The following RUFY1 variants were observed in gnomAD, a reference collection of about 807,000 sequenced individuals.
The protein encoded by RUFY1 is RUN and FYVE domain containing 1.
In RUFY1, 54 loss-of-function variants were observed where a neutral mutation model predicts 94.6. The observed-to-expected ratio is 0.57, with a 90% CI of 0.46 to 0.72. The LOEUF (loss-of-function observed/expected upper bound fraction) is 0.72. Ranked by LOEUF, RUFY1 falls within the 30% of genes least tolerant of loss-of-function variation. RUFY1 has a pLI of 0.00. For synonymous variants in RUFY1, 396 were observed against 347.3 expected (o/e 1.14, Z -1.56); for missense variants, 883 against 883.9 (o/e 1.00, Z 0.01).
chr5:179,561,082 A>G (rs1581427535), intron 2 of RUFY1, among the ~76,000 whole-genome samples: 1 of 151,442 alleles, frequency 6.6e-6, no homozygotes, highest in Non-Finnish European at 1.5e-5. Context: ...GTGGTGGCGC[A>G]TGCCTGTAAT....
intron 15 of RUFY1, among the ~76,000 whole-genome samples, chr5:179,604,525 T>G (rs1766832914): frequency 6.6e-6 from 1 of 152,110 alleles, no homozygotes; most frequent in African/African-American, 2.4e-5. Flanking sequence ...AGGAGCTGCC[T>G]CCCGATCTTT....
rs140203580 is a variant in RUFY1 at position 179,574,263 on chromosome 5, C to T, written c.829-2812C>T. Among the ~76,000 whole-genome samples, 1,014 of 152,098 alleles carry T rather than the reference C, an allele frequency of 6.7e-3. 12 individuals are homozygous for T. The highest frequency in any genetic ancestry group is 0.014 in the Middle Eastern group (4 of 294). ...TACAACAATTAGCTGGGCGTGGTGG[C>T]GTGTGCCTGTAATCCCGGTTACCCA... On this transcript the variant is annotated intron_variant, in intron 5 of 17. Transcript: ENST00000319449.
chr5:179,601,237 C>G (rs138431996), intron 14 of RUFY1, among the ~76,000 whole-genome samples: 2,138 of 151,954 alleles, frequency 0.014, 59 homozygotes, highest in African/African-American at 0.047. Context: ...AGCACCATCT[C>G]GGCTCACTGC....
chr5:179,560,123 A>C lies in RUFY1; in HGVS notation c.409A>C (p.Ser137Arg), dbSNP rs2127509379. The change falls in exon 2 of 18, where the codon AGC becomes CGC. Residue 137 changes from serine to arginine, a missense_variant. Ser to Arg is a moderately radical substitution (Grantham distance 110). Transcript: ENST00000319449. ...CCAGTCGGCTCTGAGCCTGGGCCGC[A>C]GCCTGGATGCGGACCATGCCCCCTT... Reference protein sequence around the residue: ...LLQSALSLGRSLDADHAPLQQ... With the variant: ...LLQSALSLGRRLDADHAPLQQ... 6.2e-7 allele frequency: 1 copy of C among 1,614,084 alleles called. No homozygotes were observed. The highest frequency in any genetic ancestry group is 1.7e-5 in the Admixed American group (1 of 60,000).
chr5:179,590,662 T>A (rs906174671), intron 9 of RUFY1, among the ~76,000 whole-genome samples: 8 of 151,878 alleles, frequency 5.3e-5, no homozygotes, highest in African/African-American at 1.9e-4. Context: ...TTTTTTTCTA[T>A]ATTTTTAGTA....
chr5:179,606,586 G>T (rs886263067), intron 16 of RUFY1: 1 of 154,910 alleles, frequency 6.5e-6, no homozygotes, highest in Non-Finnish European at 1.4e-5. Context: ...CAGTCCCTTT[G>T]CACACTGTTC....
chr5:179,580,950 T>C lies in RUFY1; in HGVS notation c.894T>C (p.His298=). 6.3e-7 allele frequency: 1 copy of C among 1,594,546 alleles called. No individual in the cohort carries two copies. The highest frequency in any genetic ancestry group is 8.6e-7 in the Non-Finnish European group (1 of 1,166,072). The change falls in exon 7 of 18, where the codon CAT becomes CAC. Residue 298 remains histidine (H), a synonymous_variant. Coordinates refer to ENST00000319449, the MANE Select transcript of RUFY1 (RefSeq NM_025158.5). ...CTTCTTATGCTCCTTTTAAAAGGCA[T>C]GAAAGAATTACTGATGTCCTTGATC... ...DVQDLDGGKE[H]ERITDVLDQK... is the part of the protein sequence containing the mutation.
intron 10 of RUFY1, among the ~76,000 whole-genome samples, chr5:179,592,896 G>A (rs1432189006): frequency 6.6e-6 from 1 of 152,146 alleles, no homozygotes; most frequent in Non-Finnish European, 1.5e-5. Context: ...TCTGATCTGT[G>A]GGTATGGAAA....
chr5:179,574,536 C>T (rs1763477359), intron 5 of RUFY1, among the ~76,000 whole-genome samples: 2 of 152,252 alleles, frequency 1.3e-5, no homozygotes, highest in South Asian at 4.1e-4. Flanking sequence ...ACCCTTATGC[C>T]TTTTTTGGTC....
intron 12 of RUFY1, among the ~76,000 whole-genome samples, chr5:179,595,193 A>G (rs1315549428): frequency 6.8e-6 from 1 of 147,076 alleles, no homozygotes; most frequent in Non-Finnish European, 1.5e-5. Flanking sequence ...AAATACTAAA[A>G]ATTAGGACGG....
At chr5:179,555,620 ACTTTT>A (rs1433174479) in intron 1 of RUFY1, 1 of 347,806 alleles carries the variant, frequency 2.9e-6, no homozygotes, top group Admixed American at 4.0e-5. Flanking sequence ...AAAACTCCCA[ACTTTT>A]TTTTTTTTTT....
chr5:179,574,174 A>C (rs749168774), intron 5 of RUFY1, among the ~76,000 whole-genome samples: 9 of 152,130 alleles, frequency 5.9e-5, no homozygotes, highest in Admixed American at 1.3e-4. Context: ...AAGTGGACAG[A>C]TCATGAGGTC....
At chr5:179,598,961 C>A in intron 14 of RUFY1, 140 bp downstream of exon 14, 1 of 870,024 alleles carries the variant, frequency 1.1e-6, no homozygotes, top group Non-Finnish European at 1.8e-6. Flanking sequence ...TTAGGGAGCT[C>A]CTGTTTTAGG....
chr5:179,562,938 A>G, intron 3 of RUFY1: 1 of 336,348 alleles, frequency 3.0e-6, no homozygotes, highest in South Asian at 4.5e-5. Context: ...AACTACTGGT[A>G]CACTCCTGGA....
At position 179,550,750 on chromosome 5, in the gene RUFY1, G is replaced by T; in HGVS notation, c.181G>T (p.Gly61Cys). The change falls in exon 1 of 18, where the codon GGC becomes TGC. Residue 61 changes from glycine to cysteine, a missense_variant. Physicochemically the swap from Gly to Cys is radical, Grantham distance 159 (BLOSUM62 -3). Coordinates refer to ENST00000319449, the MANE Select transcript of RUFY1 (RefSeq NM_025158.5). ...RSATRPRAAE[G>C]WSAPILTLAR... ...CGCAACGAGGCCGCGGGCGGCCGAG[G>T]GCTGGTCGGCGCCCATCCTGACCCT... 6.9e-7 allele frequency: 1 copy of T among 1,450,212 alleles called. No individual in the cohort carries two copies. The highest frequency in any genetic ancestry group is 9.1e-7 in the Non-Finnish European group (1 of 1,102,004). The allele number at this position is 1,450,212 out of a possible 1,614,324, so 89.8% of individuals were successfully genotyped here.
chr5:179,578,421 A>G (rs1185580926), intron 6 of RUFY1, among the ~76,000 whole-genome samples: 1 of 150,786 alleles, frequency 6.6e-6, no homozygotes, highest in East Asian at 2.0e-4. Flanking sequence ...GTTTCACCAT[A>G]TTGGCCAGGC....
Position 179,596,779 on chromosome 5 carries a change from A to G in RUFY1, c.1631+98A>G, listed in dbSNP as rs903477756. 23 of 28,314 alleles carry G rather than the reference A, an allele frequency of 8.1e-4. 1 individual carries two copies. The highest frequency in any genetic ancestry group is 1.1e-3 in the East Asian group (1 of 910). 1.8% of individuals were successfully genotyped at this position (28,314 alleles called of 1,614,324 possible). On this transcript the variant is annotated intron_variant, in intron 13 of 17. Coordinates refer to ENST00000319449, the MANE Select transcript of RUFY1 (RefSeq NM_025158.5). ...ATCCTGCTTCAGCACGAACGGGAGG[A>G]GGGGGGGCGGGGGGGCAGGTGGTAT...
intron 15 of RUFY1, chr5:179,602,718 C>A (rs149042352): frequency 6.6e-6 from 1 of 152,326 alleles, no homozygotes. Flanking sequence ...CATCAGGAAT[C>A]GGTCTCTGTC....
intron 8 of RUFY1, among the ~76,000 whole-genome samples, chr5:179,586,930 C>T (rs1289121213): frequency 6.6e-6 from 1 of 152,222 alleles, no homozygotes; most frequent in Non-Finnish European, 1.5e-5. Flanking sequence ...CTCAGGACAA[C>T]ACTTGCCACG....
Sources: gnomAD v4.1 joint callset for allele counts (sites outside exome capture counted in the v4.1 genomes callset) on GRCh38, gnomAD v4.1.1 for gene constraint, MANE v1.5 for transcripts, NCBI Gene and HGNC (gene_info 2026-07-23, HGNC 2026-07-21) for gene names.